The following GPR137C variants were observed in gnomAD, a reference collection of about 807,000 sequenced individuals.
GPR137C encodes integral membrane protein GPR137C.
A neutral mutation model predicts 43.4 loss-of-function variants in GPR137C; 27 were observed. The ratio of observed to expected loss-of-function variants is 0.62; its 90% CI spans 0.46 to 0.86. The LOEUF (loss-of-function observed/expected upper bound fraction) is 0.86. Ranked by LOEUF, GPR137C falls within the 40% of genes least tolerant of loss-of-function variation. GPR137C has a pLI of 0.00. For synonymous variants in GPR137C, 285 were observed against 226.9 expected (o/e 1.26, Z -2.30); for missense variants, 522 against 534.6 (o/e 0.98, Z 0.23).
chr14:52,585,593 G>T (rs2038703108), intron 1 of GPR137C, among the ~76,000 whole-genome samples: 1 of 152,188 alleles, frequency 6.6e-6, no homozygotes, highest in Non-Finnish European at 1.5e-5. Context: ...CAGCACTTTG[G>T]GAGGCCAAGG....
chr14:52,626,981 A>AG (rs2039234820), intron 3 of GPR137C, among the ~76,000 whole-genome samples: 1 of 152,228 alleles, frequency 6.6e-6, no homozygotes, highest in African/African-American at 2.4e-5. Flanking sequence ...AAATTAGTGA[A>AG]GAGATATACC....
At chr14:52,627,200 C>G (rs145023178) in intron 3 of GPR137C, among the ~76,000 whole-genome samples, 221 of 151,678 alleles carry the variant, frequency 1.5e-3, no homozygotes, top group African/African-American at 5.2e-3. Context: ...CAAGACCAGC[C>G]TTGGCAATGT....
chr14:52,599,646 C>G (rs2038900407), intron 2 of GPR137C, among the ~76,000 whole-genome samples: 1 of 152,120 alleles, frequency 6.6e-6, no homozygotes. Flanking sequence ...GTTGGCCAGG[C>G]TGGTCTCGAA....
chr14:52,633,156 A>T (rs1274250192), intron 4 of GPR137C, among the ~76,000 whole-genome samples: 2 of 152,108 alleles, frequency 1.3e-5, no homozygotes, highest in Non-Finnish European at 2.9e-5. Context: ...ACATTTTTCT[A>T]TAGGTGTAAT....
chr14:52,632,870 C>T (rs2139585469), intron 4 of GPR137C, among the ~76,000 whole-genome samples: 1 of 152,172 alleles, frequency 6.6e-6, no homozygotes, highest in South Asian at 2.1e-4. Context: ...CCTAGCATTC[C>T]CATATGCTTC....
chr14:52,563,885 C>T (rs993844131), intron 1 of GPR137C, among the ~76,000 whole-genome samples: 2 of 152,180 alleles, frequency 1.3e-5, no homozygotes, highest in African/African-American at 4.8e-5. Flanking sequence ...TAGTCCATGG[C>T]AGTTAGCCTT....
intron 1 of GPR137C, among the ~76,000 whole-genome samples, chr14:52,585,965 G>A (rs1210273495): frequency 6.6e-6 from 1 of 152,162 alleles, no homozygotes; most frequent in East Asian, 1.9e-4. Flanking sequence ...CAAATTCATA[G>A]GGCAGCACTG....
chr14:52,597,252 A>G (rs1316037551), intron 1 of GPR137C, among the ~76,000 whole-genome samples: 1 of 152,212 alleles, frequency 6.6e-6, no homozygotes, highest in African/African-American at 2.4e-5. Flanking sequence ...TTTTGCATTT[A>G]TATCACAATG....
chr14:52,615,976 A>G (rs2039094164), intron 3 of GPR137C, among the ~76,000 whole-genome samples: 1 of 152,140 alleles, frequency 6.6e-6, no homozygotes, highest in Non-Finnish European at 1.5e-5. Flanking sequence ...TCACATATTT[A>G]AGGTTGCTAC....
chr14:52,612,492 A>G lies in GPR137C; in HGVS notation c.717+12151A>G. 3 of 981,838 alleles carry G rather than the reference A, an allele frequency of 3.1e-6. No individual in the cohort carries two copies. The South Asian group carries it at 1.4e-4, about 46-fold the overall frequency. The allele number at this position is 981,838 out of a possible 1,614,324, so 60.8% of individuals were successfully genotyped here. On this transcript the variant is annotated intron_variant, in intron 3 of 6. Coordinates refer to ENST00000321662, the MANE Select transcript of GPR137C (RefSeq NM_001099652.2). ...GTAAGAGTTAGAGGTTTTAGTAATTACATCTAGAACTGTGTATCCCAGCCT... is the reference window on the plus strand; with the variant it reads ...GTAAGAGTTAGAGGTTTTAGTAATTGCATCTAGAACTGTGTATCCCAGCCT...
intron 3 of GPR137C, chr14:52,611,899 T>C: frequency 1.0e-6 from 1 of 975,958 alleles, no homozygotes. Context: ...AAAATATAAA[T>C]GTTGACTCGC....
chr14:52,576,681 C>T (rs1178926801), intron 1 of GPR137C, among the ~76,000 whole-genome samples: 1 of 152,128 alleles, frequency 6.6e-6, no homozygotes, highest in Non-Finnish European at 1.5e-5. Flanking sequence ...GGACTTCAGA[C>T]CAAATTAACC....
chr14:52,566,836 G>A (rs556599182), intron 1 of GPR137C, among the ~76,000 whole-genome samples: 2 of 152,240 alleles, frequency 1.3e-5, no homozygotes, highest in African/African-American at 2.4e-5. Context: ...TACAGGCCAG[G>A]TGCAGTGGCT....
At chr14:52,617,955 A>G (rs1235438537) in intron 3 of GPR137C, among the ~76,000 whole-genome samples, 2 of 152,168 alleles carry the variant, frequency 1.3e-5, no homozygotes, top group African/African-American at 4.8e-5. Flanking sequence ...AATTGCTTAT[A>G]AATGTTATTT....
intron 3 of GPR137C, among the ~76,000 whole-genome samples, chr14:52,622,103 G>A (rs934921010): frequency 2.6e-5 from 4 of 151,908 alleles, no homozygotes; most frequent in Non-Finnish European, 5.9e-5. Context: ...TGTTTAGGTT[G>A]AAGCATATGA....
intron 3 of GPR137C, among the ~76,000 whole-genome samples, chr14:52,602,274 T>C (rs950834765): frequency 6.6e-6 from 1 of 152,054 alleles, no homozygotes; most frequent in African/African-American, 2.4e-5. Context: ...CAAGTGTTTA[T>C]TGAGCATCTA....
chr14:52,566,152 GATC>G (rs2038366429), intron 1 of GPR137C, among the ~76,000 whole-genome samples: 1 of 152,124 alleles, frequency 6.6e-6, no homozygotes, highest in Admixed American at 6.5e-5. Flanking sequence ...AGGACCCAGG[GATC>G]ATCATCCTTC....
chr14:52,592,237 A>G (rs1167703705), intron 1 of GPR137C, among the ~76,000 whole-genome samples: 1 of 152,130 alleles, frequency 6.6e-6, no homozygotes, highest in Non-Finnish European at 1.5e-5. Context: ...GCCTTATAGT[A>G]TAGTTTGAAG....
Position 52,635,013 on chromosome 14 carries a change from C to T in GPR137C, c.1188C>T (p.Pro396=). ...GCGSSSYTVT[P]HLNGPMTDTA... is the part of the protein sequence containing the mutation. ...GCAGCAGCAGTTACACAGTCACTCC[C>T]CACCTGAATGGACCTATGACAGATA... The change falls in exon 7 of 7, where the codon CCC becomes CCT. Residue 396 remains proline, a synonymous_variant. Coordinates refer to ENST00000321662, the MANE Select transcript of GPR137C (RefSeq NM_001099652.2). The T allele has an allele frequency of 6.2e-7, 1 of 1,612,786 alleles. No homozygotes were observed.
Sources: allele counts gnomAD v4.1 joint callset (sites outside exome capture counted in the v4.1 genomes callset), GRCh38; gene constraint gnomAD v4.1.1; transcripts MANE v1.5; gene names NCBI Gene and HGNC (gene_info 2026-07-23, HGNC 2026-07-21).